ABCA5: variants seen among roughly 807,000 people sequenced by gnomAD.
ABCA5 encodes the protein cholesterol transporter ABCA5.
A neutral mutation model predicts 206.0 loss-of-function variants in ABCA5; 163 were observed. The ratio of observed to expected loss-of-function variants is 0.79; its 90% confidence interval spans 0.70 to 0.90. ABCA5 has a LOEUF of 0.90. Among genes scored for constraint, ABCA5 ranks in the 40% least tolerant of loss-of-function variants. The pLI, the probability that ABCA5 is intolerant of heterozygous loss-of-function variation, is 0.00. For synonymous variants in ABCA5, 609 were observed against 613.8 expected, an observed-to-expected ratio of 0.99 and a Z score of 0.11; for missense variants, 1,859 against 1,912.9, an observed-to-expected ratio of 0.97 and a Z score of 0.53.
intron 3 of ABCA5, among the ~76,000 whole-genome samples, chr17:69,311,214 A>G (rs2145035675): frequency 6.6e-6 from 1 of 152,214 alleles, no homozygotes; most frequent in African/African-American, 2.4e-5. Context: ...AGACAAAAAA[A>G]AAATGCTTCA....
chr17:69,303,861 T>TATATATACACATAC (rs1555584194), intron 7 of ABCA5, among the ~76,000 whole-genome samples: 14 of 59,494 alleles, frequency 2.4e-4, no homozygotes, highest in East Asian at 2.1e-3. Flanking sequence ...TATATGTATA[T>TATATATACACATAC]ATATATATAC....
At chr17:69,290,640 A>G (rs567949476) in intron 12 of ABCA5, among the ~76,000 whole-genome samples, 1 of 152,296 alleles carries the variant, frequency 6.6e-6, no homozygotes, top group South Asian at 2.1e-4. Context: ...TAACATTTAA[A>G]GAGTTGAAAT....
rs964021986 is a variant in ABCA5 at position 69,311,351 on chromosome 17, T to C, written c.307+1741A>G. 2.0e-5 allele frequency among the ~76,000 whole-genome samples: 3 copies of C among 152,326 alleles called. No individual in the cohort carries two copies. The South Asian group carries it at 6.2e-4, about 32-fold the overall frequency. On this transcript the variant is annotated intron_variant, in intron 3 of 38. Transcript: ENST00000392676. ...TCAACATCCTACCAGTCATGTTATG[T>C]ATGTATGCATAACCCATTTTCAGAT...
chr17:69,256,006 T>G, intron 29 of ABCA5, 151 bp downstream of exon 29: 2 of 1,196,316 alleles, frequency 1.7e-6, no homozygotes, highest in Middle Eastern at 5.0e-4. Context: ...TCTGGCTTAT[T>G]CAAAAGTAAG....
chr17:69,253,380 C>A (rs1029196044), intron 34 of ABCA5, among the ~76,000 whole-genome samples, 193 bp downstream of exon 34: 4 of 151,946 alleles, frequency 2.6e-5, no homozygotes, highest in Admixed American at 2.0e-4. Context: ...ATATTATGAA[C>A]ACTTCATGAA....
chr17:69,273,675 C>T (rs1038383359), intron 20 of ABCA5, among the ~76,000 whole-genome samples: 18 of 152,052 alleles, frequency 1.2e-4, no homozygotes, highest in African/African-American at 3.6e-4. Context: ...AGGATGGTCT[C>T]GATCCCCTGA....
At chr17:69,294,740 G>GT in intron 10 of ABCA5, 27 bp from the exon 11 acceptor site, 1 of 1,483,846 alleles carries the variant, frequency 6.7e-7, no homozygotes, top group Admixed American at 1.7e-5. Flanking sequence ...TATATTTTAA[G>GT]TATTTAAAGC....
At chr17:69,266,202 T>C (rs913880523) in intron 23 of ABCA5, among the ~76,000 whole-genome samples, 4 of 152,208 alleles carry the variant, frequency 2.6e-5, no homozygotes. Flanking sequence ...TTTTACATTT[T>C]TGAACTATCA....
rs1211322548 is a variant in ABCA5, at chr17:69,264,754, G to C, written c.3296C>G (p.Thr1099Ser). Residue 1099 changes from threonine to serine, a missense_variant, in exon 24 of 39, where the codon ACT (threonine) becomes AGT (serine). Transcript: ENST00000392676. ...ACTTACCACAGCAAGGAACTTTACA[G>C]TATAAAAATATAATCCATAATGAAA... is the stretch of plus-strand genomic sequence containing the variant. ...LAFHYGLYFYTVKFLAVVFCL... is the reference protein window; with the variant it reads ...LAFHYGLYFYSVKFLAVVFCL... 6.4e-7 allele frequency: 1 copy of C among 1,570,904 alleles called. No individual in the cohort carries two copies. Among genetic ancestry groups the C allele is most frequent in the Admixed American group, 1.9e-5 (1 of 52,704 alleles).
intron 5 of ABCA5, among the ~76,000 whole-genome samples, chr17:69,307,855 T>C (rs547664743): frequency 1.7e-4 from 26 of 152,128 alleles, no homozygotes; most frequent in African/African-American, 4.8e-4. Context: ...GACAAGATGG[T>C]TGATATACAT....
At position 69,256,164 on chromosome 17, in the gene ABCA5, C is replaced by T; in HGVS notation, c.3851G>A (p.Cys1284Tyr). ...KVKELMGCQC[C>Y]EEKPSIMVSN... The stretch of plus-strand genomic sequence containing the variant: ...CCATAAAGAATAAATTACCTCCTCA[C>T]AACACTGGCAACCCATCAGCTCTTT... Residue 1284 changes from cysteine to tyrosine, a missense_variant, in exon 29 of 39, where the codon TGT becomes TAT. Physicochemically the swap from Cys to Tyr is radical, Grantham distance 194. Transcript: ENST00000392676. The T allele has an allele frequency of 6.2e-7, 1 of 1,600,264 alleles. No homozygotes were observed. The highest frequency in any genetic ancestry group is 1.1e-5 in the South Asian group (1 of 87,780).
At chr17:69,261,833 AATT>A (rs1265451574) in intron 24 of ABCA5, 85 bp from the exon 25 acceptor site, 3 of 503,788 alleles carry the variant, frequency 6.0e-6, no homozygotes, top group Non-Finnish European at 1.0e-5. Flanking sequence ...TAAAATATGA[AATT>A]ATTAATATAA....
chr17:69,265,020 C>A (rs948692373), intron 23 of ABCA5, 115 bp from the exon 24 acceptor site: 1 of 674,874 alleles, frequency 1.5e-6, no homozygotes, highest in African/African-American at 1.9e-5. Context: ...AAAAAGGTTA[C>A]ATTCCAGGCT....
chr17:69,309,844 AAAAC>A (rs1270918315), intron 3 of ABCA5, among the ~76,000 whole-genome samples: 4 of 152,184 alleles, frequency 2.6e-5, no homozygotes, highest in Non-Finnish European at 5.9e-5. Flanking sequence ...TGTCTCAAAA[AAAAC>A]AAACAAACAA....
At position 69,313,168 on chromosome 17, in the gene ABCA5, T is replaced by C. The variant is rs2075786058; in HGVS notation, c.231A>G (p.Leu77=). 3 of 1,610,516 alleles carry C rather than the reference T, an allele frequency of 1.9e-6. No homozygotes were observed. The highest frequency in any genetic ancestry group is 4.5e-5 in the East Asian group (2 of 44,652). Residue 77 remains leucine (L), a synonymous_variant, in exon 3 of 39, where the codon CTA becomes CTG. Transcript: ENST00000392676. ...TAGTCACTGGAGTATATCCAAGAATTAGATTAGAAAGAGTAAACTTGTCCA... is the reference window on the plus strand; with the variant it reads ...TAGTCACTGGAGTATATCCAAGAATCAGATTAGAAAGAGTAAACTTGTCCA... ...NPMDKFTLSN[L]ILGYTPVTNI...
At chr17:69,286,448 G>A (rs1434860250) in intron 15 of ABCA5, 137 bp from the exon 16 acceptor site, 8 of 718,884 alleles carry the variant, frequency 1.1e-5, no homozygotes, top group African/African-American at 5.5e-5. Context: ...TTATGAGGAT[G>A]GTACTAGATT....
At chr17:69,287,883 T>G (rs2075477291) in intron 14 of ABCA5, 132 bp from the exon 15 acceptor site, 1 of 867,618 alleles carries the variant, frequency 1.2e-6, no homozygotes, top group Non-Finnish European at 1.6e-6. Flanking sequence ...ATCAGATTTT[T>G]TCATTCATAA....
intron 38 of ABCA5, among the ~76,000 whole-genome samples, chr17:69,247,940 GA>G (rs1174134477): frequency 6.6e-6 from 1 of 151,582 alleles, no homozygotes. Context: ...TTTACAAAAT[GA>G]AAAAAACAGA....
In ABCA5 at chr17:69,249,925, G is replaced by T. The variant is rs1045705489; in HGVS notation, c.4745C>A (p.Ser1582Tyr). 6.5e-7 allele frequency: 1 copy of T among 1,537,138 alleles called. No individual in the cohort carries two copies. The highest frequency in any genetic ancestry group is 8.7e-7 in the Non-Finnish European group (1 of 1,144,430). Reference protein sequence around the residue: ...PKEDVQSLSQSFFKLEEAKHA... With the variant: ...PKEDVQSLSQYFFKLEEAKHA... ...CTTACCTTCTTCCAGCTTAAAAAAA[G>T]ATTGTGAAAGGGACTGAACATCTTC... Residue 1582 changes from serine to tyrosine, a missense_variant, in exon 37 of 39, where the codon TCT becomes TAT. Ser to Tyr is a moderately radical substitution (Grantham distance 144). Transcript: ENST00000392676.
Sources: allele counts gnomAD v4.1 joint callset (sites outside exome capture counted in the v4.1 genomes callset), GRCh38; gene constraint gnomAD v4.1.1; transcripts MANE v1.5; gene names NCBI Gene and HGNC (gene_info 2026-07-23, HGNC 2026-07-21).